The following WDTC1 variants were observed in gnomAD, a reference collection of about 807,000 sequenced individuals.
WDTC1 encodes WD and tetratricopeptide repeats 1.
WDTC1 carries 12 observed loss-of-function variants against 76.0 expected under a neutral mutation model. The observed-to-expected ratio is 0.16, with a 90% CI of 0.10 to 0.26. The LOEUF is 0.26. WDTC1 is among the 10% of genes least tolerant of loss of function. The pLI is 1.00. For missense variants in WDTC1, 511 were observed against 908.8 expected (o/e 0.56, Z 5.63); for synonymous variants, 326 against 350.8 (o/e 0.93, Z 0.79).
chr1:27,284,956 T>C lies in WDTC1; in HGVS notation c.291+1507T>C, dbSNP rs530404893. ...TGCTGTGCATTGAGTGTATGCCGTC[T>C]CTAGACAGGATTAAAGACTACTGGT... On this transcript the variant is annotated intron_variant, in intron 5 of 15. Coordinates refer to ENST00000319394, the MANE Select transcript of WDTC1 (RefSeq NM_001276252.2). Among the ~76,000 whole-genome samples, 127 of 151,674 alleles carry C rather than the reference T, an allele frequency of 8.4e-4. 2 individuals are homozygous for C. The highest frequency in any genetic ancestry group is 1.5e-3 in the Admixed American group (23 of 15,260).
At chr1:27,296,546 A>T in intron 10 of WDTC1, 145 bp downstream of exon 10, 2 of 814,892 alleles carry the variant, frequency 2.5e-6, no homozygotes, top group Non-Finnish European at 4.0e-6. Flanking sequence ...CTATGCAGTA[A>T]GAAAGAGGAT....
Position 27,297,088 on chromosome 1 carries a change from CGGTGTGTCCAAT to C in WDTC1, c.993_1004del (p.Val332_Gly335del). On this transcript the variant is annotated inframe_deletion, in exon 11 of 16. Coordinates refer to ENST00000319394, the MANE Select transcript of WDTC1 (RefSeq NM_001276252.2). ...AGATGTCCACCAACGGTGTGTCCAA[CGGTGTGTCCAAT>C]GGCCTGCACCTTCATAGCAATGGCT... 11 of 1,614,126 alleles carry C rather than the reference CGGTGTGTCCAAT, an allele frequency of 6.8e-6. No individual in the cohort carries two copies. The highest frequency in any genetic ancestry group is 8.5e-6 in the Non-Finnish European group (10 of 1,179,996).
intron 5 of WDTC1, among the ~76,000 whole-genome samples, chr1:27,285,028 CTT>C (rs758125297): frequency 2.0e-4 from 23 of 117,034 alleles, no homozygotes; most frequent in African/African-American, 4.5e-4. Flanking sequence ...AGACCTTGGT[CTT>C]TTTTTTTTTT....
intron 6 of WDTC1, among the ~76,000 whole-genome samples, chr1:27,290,060 G>T (rs375069859): frequency 5.4e-4 from 82 of 151,064 alleles, no homozygotes; most frequent in Middle Eastern, 3.4e-3. Context: ...GAGGGGGAGG[G>T]GGAGAGGGAG....
intron 1 of WDTC1, among the ~76,000 whole-genome samples, chr1:27,260,229 C>T (rs1570950641): frequency 2.0e-5 from 3 of 152,060 alleles, no homozygotes; most frequent in Admixed American, 2.0e-4. Flanking sequence ...CTCAGCCTCC[C>T]GAGTAGCTGG....
At chr1:27,304,831 A>G (rs2013913734) in intron 14 of WDTC1, 170 bp from the exon 15 acceptor site, 3 of 619,956 alleles carry the variant, frequency 4.8e-6, no homozygotes, top group Non-Finnish European at 8.2e-6. Context: ...GAGAACAGTG[A>G]CCAGGGCTAT....
chr1:27,278,587 C>G (rs780712802), intron 3 of WDTC1, among the ~76,000 whole-genome samples: 3 of 152,162 alleles, frequency 2.0e-5, no homozygotes, highest in Non-Finnish European at 2.9e-5. Flanking sequence ...CTCCCTGAGC[C>G]CATCTTGCTC....
In WDTC1 at chr1:27,283,426, A is replaced by G. The variant is rs781757699; in HGVS notation, c.268A>G (p.Thr90Ala). 4.3e-6 allele frequency: 7 copies of G among 1,612,934 alleles called. No individual in the cohort carries two copies. In the African/African-American group the frequency reaches 6.7e-5, roughly 15 times the overall value. ...KKLLSMHTGH[T>A]ANIFSVKFLP... ...GCTGCTCTCCATGCACACGGGACAC[A>G]CCGCAAATATCTTCTCTGTCAAGGT... is the stretch of plus-strand genomic sequence containing the variant. The change falls in exon 5 of 16, where the codon ACC becomes GCC. Residue 90 changes from threonine (T) to alanine (A), a missense_variant. By Grantham distance (58) the Thr-to-Ala change is moderately conservative. Transcript: ENST00000319394.
At chr1:27,300,972 A>C (rs2013817283) in intron 12 of WDTC1, among the ~76,000 whole-genome samples, 1 of 152,178 alleles carries the variant, frequency 6.6e-6, no homozygotes, top group Non-Finnish European at 1.5e-5. Flanking sequence ...CTCTGTGCCC[A>C]GCAGAGGGCA....
At chr1:27,302,617 T>C (rs2147993946) in intron 13 of WDTC1, among the ~76,000 whole-genome samples, 1 of 152,176 alleles carries the variant, frequency 6.6e-6, no homozygotes, top group African/African-American at 2.4e-5. Context: ...GGCACACACC[T>C]GTAGTCCCAG....
intron 5 of WDTC1, among the ~76,000 whole-genome samples, chr1:27,284,746 T>C (rs1362329536): frequency 6.6e-6 from 1 of 151,638 alleles, no homozygotes; most frequent in Non-Finnish European, 1.5e-5. Flanking sequence ...ACATGCAGAC[T>C]GTCAGCCTCC....
At position 27,287,676 on chromosome 1, in the gene WDTC1, C is replaced by T. The variant is rs753204477; in HGVS notation, c.294C>T (p.Phe98=). The T allele has an allele frequency of 3.1e-6, 5 of 1,613,040 alleles. No individual in the cohort carries two copies. The highest frequency in any genetic ancestry group is 1.3e-5 in the African/African-American group (1 of 74,922). Residue 98 remains phenylalanine, a splice_region_variant and synonymous_variant, in exon 6 of 16, where the codon TTC becomes TTT. Coordinates refer to ENST00000319394, the MANE Select transcript of WDTC1 (RefSeq NM_001276252.2). ...GHTANIFSVK[F]LPHAGDRILI... ...CTTCCTCCATTTCTCCTATATAGTTCCTGCCTCACGCTGGGGACCGCATCT... is the reference window on the plus strand; with the variant it reads ...CTTCCTCCATTTCTCCTATATAGTTTCTGCCTCACGCTGGGGACCGCATCT...
At chr1:27,295,430 A>G (rs374514270) in intron 9 of WDTC1, among the ~76,000 whole-genome samples, 2 of 151,406 alleles carry the variant, frequency 1.3e-5, no homozygotes, top group South Asian at 4.2e-4. Context: ...GGACTTCTTC[A>G]TCTTTTTAAA....
intron 6 of WDTC1, among the ~76,000 whole-genome samples, chr1:27,289,424 A>T (rs1326870114): frequency 7.5e-6 from 1 of 133,546 alleles, no homozygotes; most frequent in African/African-American, 2.9e-5. Context: ...ATCTCAGACG[A>T]TGGGCGGCCG....
chr1:27,260,758 T>C (rs1333780815), intron 1 of WDTC1, among the ~76,000 whole-genome samples, 198 bp from the exon 2 acceptor site: 2 of 152,348 alleles, frequency 1.3e-5, no homozygotes, highest in Middle Eastern at 3.4e-3. Context: ...CCAATGCTTG[T>C]TGGGATGTGC....
intron 2 of WDTC1, among the ~76,000 whole-genome samples, chr1:27,261,776 G>A (rs568444049): frequency 6.6e-6 from 1 of 152,164 alleles, no homozygotes; most frequent in South Asian, 2.1e-4. Context: ...CTAACTATAG[G>A]TCTTTAGTCA....
At chr1:27,292,159 T>C in intron 6 of WDTC1, 56 bp from the exon 7 acceptor site, 4 of 1,422,836 alleles carry the variant, frequency 2.8e-6, no homozygotes, top group Non-Finnish European at 3.7e-6. Flanking sequence ...TCTTTTCCCC[T>C]GCCTTCCTCT....
intron 1 of WDTC1, among the ~76,000 whole-genome samples, chr1:27,235,394 C>CTGTGTGTG (rs139665541): frequency 5.1e-4 from 72 of 141,218 alleles, no homozygotes; most frequent in East Asian, 1.3e-3. Flanking sequence ...CTCTCTCTTT[C>CTGTGTGTG]TGTGTGTGTG....
At chr1:27,292,178 C>T (rs758752011) in intron 6 of WDTC1, 37 bp from the exon 7 acceptor site, 2 of 1,475,038 alleles carry the variant, frequency 1.4e-6, no homozygotes, top group South Asian at 1.4e-5. Flanking sequence ...CTCAAGGACC[C>T]CAAGCCCCAA....
Sources: gnomAD v4.1 joint callset for allele counts (sites outside exome capture counted in the v4.1 genomes callset) on GRCh38, gnomAD v4.1.1 for gene constraint, MANE v1.5 for transcripts, NCBI Gene and HGNC (gene_info 2026-07-23, HGNC 2026-07-21) for gene names.